GPHN: variants seen among roughly 807,000 people sequenced by gnomAD.
The protein encoded by GPHN is gephyrin.
GPHN carries 17 observed loss-of-function variants against 95.5 expected under a neutral mutation model. The ratio of observed to expected loss-of-function variants is 0.18; its 90% CI spans 0.12 to 0.27. GPHN has a LOEUF of 0.27. Among genes scored for constraint, GPHN ranks in the 10% least tolerant of loss-of-function variants. GPHN has a pLI of 1.00. For missense variants in GPHN, 660 were observed against 978.1 expected (o/e 0.67, Z 4.34); for synonymous variants, 320 against 322.5 (o/e 0.99, Z 0.08).
chr14:66,640,760 A>G (rs1391536696), intron 1 of GPHN, among the ~76,000 whole-genome samples: 1 of 152,214 alleles, frequency 6.6e-6, no homozygotes, highest in African/African-American at 2.4e-5. Context: ...GTAGCAAATT[A>G]GTACTTCTGC....
At chr14:67,587,354 A>C in the GPHN span, 1 of 1,169,888 alleles carries the variant, frequency 8.5e-7, no homozygotes, top group African/African-American at 1.5e-5. Context: ...TGTTCTGTGA[A>C]ATGTGTATTT....
At chr14:66,719,196 A>C (rs956415539) in intron 2 of GPHN, among the ~76,000 whole-genome samples, 1 of 152,034 alleles carries the variant, frequency 6.6e-6, no homozygotes, top group African/African-American at 2.4e-5. Flanking sequence ...TCAGCTGGAG[A>C]TTTCCTTCTC....
At chr14:67,026,144 ATC>A (rs1228845186) in intron 10 of GPHN, among the ~76,000 whole-genome samples, 3 of 152,194 alleles carry the variant, frequency 2.0e-5, no homozygotes, top group Non-Finnish European at 4.4e-5. Flanking sequence ...AGTGCTCAGT[ATC>A]TCTATGCCTC....
the GPHN span, among the ~76,000 whole-genome samples, chr14:67,245,111 G>A: frequency 2.0e-5 from 3 of 152,188 alleles, no homozygotes; most frequent in East Asian, 5.8e-4. Context: ...AGTAATTTTA[G>A]CCAAGGGAGA....
chr14:67,335,410 T>C, the GPHN span: 3 of 152,242 alleles, frequency 2.0e-5, no homozygotes, highest in Non-Finnish European at 4.4e-5. Flanking sequence ...CCATTTAATA[T>C]AGAAATGATA....
At chr14:67,316,724 G>C in the GPHN span, 1 of 799,284 alleles carries the variant, frequency 1.3e-6, no homozygotes, top group African/African-American at 1.8e-5. Context: ...ATTTGGAAGG[G>C]AATATAAGTG....
intron 1 of GPHN, among the ~76,000 whole-genome samples, chr14:66,607,365 A>G (rs1029677300): frequency 8.6e-5 from 13 of 150,566 alleles, no homozygotes; most frequent in African/African-American, 2.9e-4. Context: ...TGCTGGATTC[A>G]TTTCGCTAGT....
chr14:67,419,848 CAA>C, the GPHN span, among the ~76,000 whole-genome samples: 5 of 131,780 alleles, frequency 3.8e-5, no homozygotes, highest in Admixed American at 7.8e-5. Context: ...GCCTCCGTCT[CAA>C]AAAAAAAAAA....
chr14:66,861,238 G>A (rs1273829485), intron 4 of GPHN, among the ~76,000 whole-genome samples: 1 of 151,868 alleles, frequency 6.6e-6, no homozygotes, highest in Non-Finnish European at 1.5e-5. Flanking sequence ...AGTAGCTAAG[G>A]CAAAATAGTT....
chr14:67,312,702 T>C, the GPHN span: 2 of 1,605,826 alleles, frequency 1.2e-6, no homozygotes, highest in East Asian at 2.2e-5. Context: ...CTAGCCGGGC[T>C]TGTTCCAGGT....
At chr14:66,868,126 G>A (rs2063296405) in intron 4 of GPHN, among the ~76,000 whole-genome samples, 1 of 152,132 alleles carries the variant, frequency 6.6e-6, no homozygotes, top group African/African-American at 2.4e-5. Context: ...ATTAATAGTA[G>A]TCATTAGCTG....
chr14:67,071,695 C>T (rs1182232692), intron 11 of GPHN, among the ~76,000 whole-genome samples: 2 of 151,624 alleles, frequency 1.3e-5, no homozygotes, highest in South Asian at 2.1e-4. Flanking sequence ...CTAAATTGCC[C>T]TATGTCGCAA....
At chr14:67,406,258 CAA>C in the GPHN span, among the ~76,000 whole-genome samples, 2,881 of 107,182 alleles carry the variant, frequency 0.027, 100 homozygotes, top group African/African-American at 0.077. Flanking sequence ...GATTCCATCT[CAA>C]AAAAAAAAAA....
chr14:67,168,418 C>T (rs2082405885), intron 20 of GPHN, among the ~76,000 whole-genome samples: 1 of 151,994 alleles, frequency 6.6e-6, no homozygotes. Context: ...ATCTTCAGGT[C>T]CTTAAAACAC....
intron 12 of GPHN, among the ~76,000 whole-genome samples, chr14:67,095,966 C>CAAAAAAAAAAAAAAAAAAAAAA: frequency 3.0e-5 from 2 of 67,096 alleles, no homozygotes; most frequent in South Asian, 5.2e-4. Context: ...AAGAAAAAGG[C>CAAAAAAAAAAAAAAAAAAAAAA]AAAAAAAAAA....
the GPHN span, among the ~76,000 whole-genome samples, chr14:67,545,909 A>C: frequency 8.0e-4 from 122 of 152,306 alleles, no homozygotes; most frequent in African/African-American, 2.7e-3. Flanking sequence ...ATTTGGGAAT[A>C]AGCATCTGAT....
At chr14:67,466,120 A>G in the GPHN span, among the ~76,000 whole-genome samples, 1 of 152,250 alleles carries the variant, frequency 6.6e-6, no homozygotes, top group Non-Finnish European at 1.5e-5. Flanking sequence ...ACACTGATAC[A>G]ACCCCATACT....
chr14:67,678,486 G>T, the GPHN span: 3 of 1,113,124 alleles, frequency 2.7e-6, no homozygotes, highest in Admixed American at 1.8e-5. Context: ...ATCTGCCAGG[G>T]ATAAGGAATA....
At chr14:66,777,255 C>T (rs979091101) in intron 3 of GPHN, among the ~76,000 whole-genome samples, 13 of 152,192 alleles carry the variant, frequency 8.5e-5, no homozygotes, top group Non-Finnish European at 7.3e-5. Context: ...CAAATACACT[C>T]TCCCAAGACT....
Sources: allele counts gnomAD v4.1 joint callset (sites outside exome capture counted in the v4.1 genomes callset), GRCh38; gene constraint gnomAD v4.1.1; transcripts MANE v1.5; gene names NCBI Gene and HGNC (gene_info 2026-07-23, HGNC 2026-07-21).